LYRM4: variants seen among roughly 807,000 people sequenced by gnomAD.
The protein encoded by LYRM4 is LYR motif containing 4.
A neutral mutation model predicts 11.7 loss-of-function variants in LYRM4; 9 were observed. That is an observed-to-expected ratio of 0.77 (90% CI 0.46 to 1.34). LYRM4 has a LOEUF of 1.34. Among genes scored for constraint, LYRM4 ranks in the 40% most tolerant of loss-of-function variants. The probability of loss-of-function intolerance (pLI) is 0.00; values close to 1 mark genes in which losing one functional copy is unlikely to be tolerated. For missense variants in LYRM4, 133 were observed against 112.5 expected, an observed-to-expected ratio of 1.18 and a Z score of -0.82; for synonymous variants, 42 against 40.4, an observed-to-expected ratio of 1.04 and a Z score of -0.15.
the LYRM4 span, among the ~76,000 whole-genome samples, chr6:5,077,635 C>T: frequency 1.6e-4 from 25 of 152,282 alleles, no homozygotes; most frequent in African/African-American, 6.0e-4. Flanking sequence ...GGTGTAAGAT[C>T]TACCTGAGAA....
the LYRM4 span, among the ~76,000 whole-genome samples, chr6:5,035,592 C>T: frequency 0.05 from 2 of 40 alleles, 1 homozygote; most frequent in African/African-American, 0.1. Flanking sequence ...TCCCTCCCCT[C>T]CCTTCCCCTC....
At chr6:5,063,067 C>T in the LYRM4 span, among the ~76,000 whole-genome samples, 1 of 152,158 alleles carries the variant, frequency 6.6e-6, no homozygotes, top group African/African-American at 2.4e-5. Context: ...TCATTTCCAT[C>T]TCTGCACCTC....
intron 2 of LYRM4, among the ~76,000 whole-genome samples, chr6:5,174,858 G>A (rs1459423696): frequency 6.6e-6 from 1 of 152,086 alleles, no homozygotes; most frequent in African/African-American, 2.4e-5. Context: ...GATAAGCAAG[G>A]CTTAACGTCA....
chr6:5,209,366 A>G lies in LYRM4; in HGVS notation c.207+7252T>C, dbSNP rs115174674. Among the ~76,000 whole-genome samples, 739 of 152,274 alleles carry G rather than the reference A, an allele frequency of 4.9e-3. 3 individuals carry two copies. Among genetic ancestry groups the G allele is most frequent in the Non-Finnish European group, 7.9e-3 (538 of 68,018 alleles). ...CCCACCTTGGCCCCCCAAAGTGCTG[A>G]GATTACAGGTGTGAATCTATTATTA... On this transcript the variant is annotated intron_variant, in intron 2 of 2. Transcript: ENST00000330636.
At chr6:5,042,312 A>G in the LYRM4 span, among the ~76,000 whole-genome samples, 15 of 152,152 alleles carry the variant, frequency 9.9e-5, no homozygotes, top group South Asian at 2.1e-4. Flanking sequence ...AAAAATAAAA[A>G]CTGGAAGTTC....
At chr6:5,142,314 G>A (rs1056010040) in intron 2 of LYRM4, among the ~76,000 whole-genome samples, 2 of 152,112 alleles carry the variant, frequency 1.3e-5, no homozygotes, top group African/African-American at 4.8e-5. Context: ...GGCCATATGT[G>A]CTATGTTCTG....
intron 2 of LYRM4, among the ~76,000 whole-genome samples, chr6:5,185,948 G>C (rs1046160702): frequency 5.9e-5 from 9 of 152,134 alleles, no homozygotes; most frequent in African/African-American, 1.9e-4. Context: ...GAGGAGGGCT[G>C]GGAGAGCCTC....
chr6:5,153,874 G>A (rs4959332), intron 2 of LYRM4, among the ~76,000 whole-genome samples: 73,162 of 151,880 alleles, frequency 0.48, 18,022 homozygotes, highest in East Asian at 0.77. Flanking sequence ...CAGAGAGCCC[G>A]TCCCTTAGAA....
rs112010011 is a variant in LYRM4, at chr6:5,174,766, C to T, written c.207+41852G>A. On this transcript the variant is annotated intron_variant, in intron 2 of 2. Transcript: ENST00000330636. The stretch of plus-strand genomic sequence containing the variant: ...GTGTATATATAAACATATATTATCC[C>T]CCCTCTCTTTTGAACAGATGTTGTC... Among the ~76,000 whole-genome samples, 637 of 152,218 alleles carry T rather than the reference C, an allele frequency of 4.2e-3. 4 individuals are homozygous for T. Among genetic ancestry groups the T allele is most frequent in the African/African-American group, 0.012 (489 of 41,532 alleles).
the LYRM4 span, among the ~76,000 whole-genome samples, chr6:5,040,256 G>A: frequency 9.2e-5 from 14 of 151,676 alleles, no homozygotes; most frequent in African/African-American, 2.7e-4. Context: ...AGGTTGAGGC[G>A]AGCTATGATC....
chr6:5,061,492 G>A, the LYRM4 span, among the ~76,000 whole-genome samples: 1 of 152,230 alleles, frequency 6.6e-6, no homozygotes, highest in Non-Finnish European at 1.5e-5. Flanking sequence ...CATAAATAAT[G>A]AGAGAAATGC....
chr6:5,260,171 C>G (rs1027950741), intron 1 of LYRM4, among the ~76,000 whole-genome samples: 4 of 152,182 alleles, frequency 2.6e-5, no homozygotes, highest in African/African-American at 9.7e-5. Flanking sequence ...ACCAAAAGAA[C>G]TCATTACGAC....
intron 1 of LYRM4, among the ~76,000 whole-genome samples, chr6:5,257,859 G>C (rs2753245): frequency 0.28 from 43,031 of 152,084 alleles, 7,623 homozygotes; most frequent in African/African-American, 0.5. Flanking sequence ...ATAGCACTGG[G>C]CAAAGCATGC....
intron 2 of LYRM4, among the ~76,000 whole-genome samples, chr6:5,112,398 T>C (rs752122849): frequency 1.3e-5 from 2 of 152,194 alleles, no homozygotes; most frequent in Non-Finnish European, 2.9e-5. Context: ...CTGAGCCCAA[T>C]GCACTGAGAG....
At chr6:5,154,812 C>G (rs1022574136) in intron 2 of LYRM4, among the ~76,000 whole-genome samples, 1 of 151,954 alleles carries the variant, frequency 6.6e-6, no homozygotes, top group East Asian at 1.9e-4. Context: ...GAGCGAGACT[C>G]CGTCTCAAAA....
intron 2 of LYRM4, among the ~76,000 whole-genome samples, chr6:5,164,915 C>T (rs1581416039): frequency 6.7e-6 from 1 of 148,556 alleles, no homozygotes; most frequent in South Asian, 2.1e-4. Context: ...TTGCAGTGAG[C>T]CGAGATTGTG....
the LYRM4 span, among the ~76,000 whole-genome samples, chr6:5,036,286 A>G: frequency 6.6e-6 from 1 of 152,320 alleles, no homozygotes; most frequent in African/African-American, 2.4e-5. Flanking sequence ...ATTGAGCCAG[A>G]GGAGATCTTA....
intron 1 of LYRM4, among the ~76,000 whole-genome samples, chr6:5,260,352 T>C (rs945204498): frequency 2.6e-5 from 4 of 152,250 alleles, no homozygotes; most frequent in African/African-American, 9.6e-5. Context: ...TTTTCTCTTC[T>C]GCAGAAACAT....
chr6:5,057,490 G>A, the LYRM4 span, among the ~76,000 whole-genome samples: 2 of 152,142 alleles, frequency 1.3e-5, no homozygotes, highest in African/African-American at 4.8e-5. Flanking sequence ...GCCAAGGCAG[G>A]CAGATTACTT....
Sources: gnomAD v4.1 joint callset for allele counts (sites outside exome capture counted in the v4.1 genomes callset) on GRCh38, gnomAD v4.1.1 for gene constraint, MANE v1.5 for transcripts, NCBI Gene and HGNC (gene_info 2026-07-23, HGNC 2026-07-21) for gene names.